The following CTNNA3 variants were observed in gnomAD, a reference collection of about 807,000 sequenced individuals.
CTNNA3 encodes the protein catenin alpha-3.
CTNNA3 carries 76 observed loss-of-function variants against 95.7 expected under a neutral mutation model. That is an observed-to-expected ratio of 0.79 (90% CI 0.66 to 0.96). CTNNA3 has a LOEUF of 0.96. Among genes scored for constraint, CTNNA3 ranks in the 40% least tolerant of loss-of-function variants. The pLI is 0.00. For synonymous variants in CTNNA3, 431 were observed against 374.4 expected (o/e 1.15, Z -1.74); for missense variants, 1,191 against 1,089.8 (o/e 1.09, Z -1.31).
At chr10:66,375,733 ACT>A (rs1342769782) in intron 12 of CTNNA3, among the ~76,000 whole-genome samples, 6 of 152,162 alleles carry the variant, frequency 3.9e-5, no homozygotes, top group Non-Finnish European at 7.3e-5. Flanking sequence ...ACATCTTAAA[ACT>A]CTATCTGTTG....
At chr10:67,550,554 T>G (rs1840987245) in intron 3 of CTNNA3, among the ~76,000 whole-genome samples, 1 of 151,646 alleles carries the variant, frequency 6.6e-6, no homozygotes, top group Non-Finnish European at 1.5e-5. Flanking sequence ...GAAGAAAGAA[T>G]AAAGAAATTA....
chr10:67,207,399 T>C (rs1245752817), intron 6 of CTNNA3, among the ~76,000 whole-genome samples: 1 of 152,142 alleles, frequency 6.6e-6, no homozygotes, highest in Non-Finnish European at 1.5e-5. Flanking sequence ...TATTAATAAC[T>C]AAAGTGATAA....
chr10:66,244,176 G>A (rs1397563716), intron 13 of CTNNA3, among the ~76,000 whole-genome samples: 2 of 152,228 alleles, frequency 1.3e-5, no homozygotes, highest in Admixed American at 1.3e-4. Flanking sequence ...TATGGAAAGA[G>A]GTAGGGAAGA....
intron 7 of CTNNA3, among the ~76,000 whole-genome samples, chr10:66,954,493 G>A (rs1198049345): frequency 2.6e-5 from 4 of 152,104 alleles, no homozygotes; most frequent in African/African-American, 4.8e-5. Flanking sequence ...ACACGGTCCC[G>A]CAATGGATTA....
chr10:67,332,744 G>A (rs1241377333), intron 5 of CTNNA3, among the ~76,000 whole-genome samples: 1 of 152,028 alleles, frequency 6.6e-6, no homozygotes, highest in Non-Finnish European at 1.5e-5. Context: ...ATTTGGAGTC[G>A]ATTGTCCACT....
At chr10:67,359,043 C>A (rs897257987) in intron 5 of CTNNA3, among the ~76,000 whole-genome samples, 3 of 151,914 alleles carry the variant, frequency 2.0e-5, no homozygotes, top group Non-Finnish European at 1.5e-5. Flanking sequence ...GATGACACCA[C>A]GAAAACATAA....
intron 5 of CTNNA3, among the ~76,000 whole-genome samples, chr10:67,455,375 G>A (rs1182741802): frequency 1.3e-5 from 2 of 152,176 alleles, no homozygotes; most frequent in South Asian, 2.1e-4. Flanking sequence ...TTGGGATACC[G>A]AAGAATTCCA....
chr10:66,058,734 C>T (rs1168859283), intron 15 of CTNNA3, among the ~76,000 whole-genome samples: 1 of 152,080 alleles, frequency 6.6e-6, no homozygotes, highest in African/African-American at 2.4e-5. Context: ...CACTTGCAGA[C>T]AAGTTGGCTT....
chr10:67,004,925 T>A (rs185109583), intron 7 of CTNNA3, among the ~76,000 whole-genome samples: 6 of 152,156 alleles, frequency 3.9e-5, no homozygotes, highest in African/African-American at 1.4e-4. Context: ...AGAACAGATT[T>A]TGTTGTTAGG....
chr10:67,051,365 A>G (rs1391127599), intron 7 of CTNNA3, among the ~76,000 whole-genome samples: 1 of 152,202 alleles, frequency 6.6e-6, no homozygotes, highest in Non-Finnish European at 1.5e-5. Flanking sequence ...ACCAAAAGAT[A>G]TTTCAATTGA....
intron 11 of CTNNA3, among the ~76,000 whole-genome samples, chr10:66,428,148 G>C (rs1245967247): frequency 6.6e-6 from 1 of 152,036 alleles, no homozygotes; most frequent in African/African-American, 2.4e-5. Flanking sequence ...GATCAAAAGA[G>C]ACAAAGAAGG....
chr10:67,513,169 A>G (rs770079062), intron 5 of CTNNA3, among the ~76,000 whole-genome samples: 1 of 152,122 alleles, frequency 6.6e-6, no homozygotes. Flanking sequence ...CATAGTCCCA[A>G]TGCAACAAGG....
At chr10:67,057,096 G>A (rs1203441938) in intron 7 of CTNNA3, among the ~76,000 whole-genome samples, 3 of 152,228 alleles carry the variant, frequency 2.0e-5, no homozygotes, top group African/African-American at 7.2e-5. Flanking sequence ...AAAGTTAGCT[G>A]ATCTAAAACA....
At chr10:67,030,399 C>T (rs1461816277) in intron 7 of CTNNA3, among the ~76,000 whole-genome samples, 1 of 152,038 alleles carries the variant, frequency 6.6e-6, no homozygotes, top group African/African-American at 2.4e-5. Context: ...TTAAATAGCT[C>T]ACCAGTTAAA....
At chr10:67,349,448 C>A (rs902134516) in intron 5 of CTNNA3, among the ~76,000 whole-genome samples, 3 of 152,080 alleles carry the variant, frequency 2.0e-5, no homozygotes, top group Admixed American at 6.6e-5. Context: ...AAAAGCCAGT[C>A]ATCAAAGGAC....
intron 15 of CTNNA3, among the ~76,000 whole-genome samples, chr10:66,007,754 C>T: frequency 7.9e-6 from 1 of 126,950 alleles, no homozygotes; most frequent in East Asian, 2.4e-4. Context: ...TCCTTTCCCC[C>T]TCCCTCCCTC....
rs868444562 is a variant in CTNNA3, at chr10:66,896,054, G to C, written c.1048-120530C>G. Among the ~76,000 whole-genome samples the C allele has an allele frequency of 9.7e-4, 147 of 152,120 alleles. 1 individual carries two copies. Among genetic ancestry groups the C allele is most frequent in the African/African-American group, 3.5e-3 (145 of 41,500 alleles). On this transcript the variant is annotated intron_variant, in intron 7 of 17. Transcript: ENST00000433211. ...GGAGGTTGTGGTGAGCCGAGATTGC[G>C]CCATTGCACTCCAGCCTGGGCAACA...
intron 5 of CTNNA3, among the ~76,000 whole-genome samples, chr10:67,254,486 A>G (rs1217029658): frequency 1.3e-5 from 2 of 152,144 alleles, no homozygotes; most frequent in African/African-American, 2.4e-5. Context: ...TAGGATTGCT[A>G]CTACAGATGG....
At position 66,721,868 on chromosome 10, in the gene CTNNA3, C is replaced by T. The variant is rs1309648697; in HGVS notation, c.1281+44396G>A. ...CTGTTAATCCTCATGCTGTCATACCCATTTTACAGATTAGGAGGAAAAAAA... is the reference window on the plus strand; with the variant it reads ...CTGTTAATCCTCATGCTGTCATACCTATTTTACAGATTAGGAGGAAAAAAA... On this transcript the variant is annotated intron_variant, in intron 9 of 17. Coordinates refer to ENST00000433211, the MANE Select transcript of CTNNA3 (RefSeq NM_013266.4). Among the ~76,000 whole-genome samples the T allele has an allele frequency of 2.0e-5, 3 of 152,140 alleles. No individual in the cohort carries two copies. The East Asian group carries it at 5.8e-4, about 29-fold the overall frequency.
Sources: gnomAD v4.1 joint callset for allele counts (sites outside exome capture counted in the v4.1 genomes callset) on GRCh38, gnomAD v4.1.1 for gene constraint, MANE v1.5 for transcripts, NCBI Gene and HGNC (gene_info 2026-07-23, HGNC 2026-07-21) for gene names.